HACL1: variants seen among roughly 807,000 people sequenced by gnomAD.
HACL1 encodes 1600020H07Rik.
In HACL1, 64 loss-of-function variants were observed where a neutral mutation model predicts 74.2. The observed-to-expected ratio is 0.86, with a 90% CI of 0.70 to 1.06. The LOEUF (loss-of-function observed/expected upper bound fraction) is 1.06. Ranked by LOEUF, HACL1 falls within the 50% of genes least tolerant of loss-of-function variation. The probability of loss-of-function intolerance (pLI) is 0.00; values close to 1 mark genes in which losing one functional copy is unlikely to be tolerated. For missense variants in HACL1, 728 were observed against 719.7 expected, an observed-to-expected ratio of 1.01 and a Z score of -0.13; for synonymous variants, 230 against 238.8, an observed-to-expected ratio of 0.96 and a Z score of 0.34.
chr3:15,572,656 T>C (rs2063555877), intron 11 of HACL1, among the ~76,000 whole-genome samples: 1 of 152,264 alleles, frequency 6.6e-6, no homozygotes. Flanking sequence ...AAGTGATAAA[T>C]GTGACTATAT....
Position 15,589,621 on chromosome 3 carries a change from A to C in HACL1, c.309-9T>G. ...CAATCACAAGCAAGGGCCTGAAACA[A>C]TCATTTTTTTAACAAGATAATTACA... is the stretch of plus-strand genomic sequence containing the variant. On this transcript the variant is annotated splice_polypyrimidine_tract_variant and intron_variant, in intron 4 of 16. Transcript: ENST00000321169. 1 of 1,574,950 alleles carries C rather than the reference A, an allele frequency of 6.3e-7. No individual in the cohort carries two copies. The highest frequency in any genetic ancestry group is 8.7e-7 in the Non-Finnish European group (1 of 1,146,836).
At chr3:15,592,613 C>A (rs1183630503) in intron 3 of HACL1, among the ~76,000 whole-genome samples, 1 of 86,646 alleles carries the variant, frequency 1.2e-5, no homozygotes, top group East Asian at 3.8e-4. Flanking sequence ...CACATGTGTG[C>A]GTGTATACAC....
chr3:15,567,640 C>T (rs538772132), intron 14 of HACL1, among the ~76,000 whole-genome samples: 1 of 152,268 alleles, frequency 6.6e-6, no homozygotes, highest in South Asian at 2.1e-4. Context: ...CAGGTTTTTA[C>T]CATACAGTGA....
chr3:15,562,177 G>T (rs923527334), intron 16 of HACL1, among the ~76,000 whole-genome samples: 1 of 152,090 alleles, frequency 6.6e-6, no homozygotes, highest in African/African-American at 2.4e-5. Context: ...ATTTTAAATA[G>T]AACTTAAAAA....
At position 15,600,315 on chromosome 3, in the gene HACL1, GGTGGGA is replaced by G. The variant is rs2064177126; in HGVS notation, c.186+769_186+774del. Reference sequence around the variant, plus strand: ...GCAAGAATTTAAATTAGAAGGCAACGGTGGGAGTGTAAAGCAGGAATATTTAGCCTC... The same window carrying G: ...GCAAGAATTTAAATTAGAAGGCAACGGTGTAAAGCAGGAATATTTAGCCTC... On this transcript the variant is annotated intron_variant, in intron 2 of 16. Coordinates refer to ENST00000321169, the MANE Select transcript of HACL1 (RefSeq NM_012260.4). 4.6e-5 allele frequency among the ~76,000 whole-genome samples: 7 copies of G among 152,324 alleles called. No individual in the cohort carries two copies. The South Asian group carries it at 1.5e-3, about 32-fold the overall frequency.
chr3:15,570,489 C>T (rs887165904), intron 12 of HACL1, among the ~76,000 whole-genome samples: 10 of 151,216 alleles, frequency 6.6e-5, no homozygotes, highest in African/African-American at 1.9e-4. Flanking sequence ...TTTGCTTATG[C>T]GTGATTCCAC....
chr3:15,571,526 C>T, intron 12 of HACL1, 142 bp downstream of exon 12: 3 of 654,532 alleles, frequency 4.6e-6, no homozygotes, highest in South Asian at 1.7e-5. Context: ...CCACTAAATC[C>T]CTTTTTCCAT....
At chr3:15,574,837 A>G (rs924784925) in intron 10 of HACL1, 140 bp downstream of exon 10, 1 of 480,134 alleles carries the variant, frequency 2.1e-6, no homozygotes, top group African/African-American at 1.9e-5. Flanking sequence ...ATTATGTTAG[A>G]CAATTTGTAA....
At position 15,582,862 on chromosome 3, in the gene HACL1, T is replaced by G; in HGVS notation, c.667+15A>C. The G allele has an allele frequency of 2.3e-6, 3 of 1,324,786 alleles. No homozygotes were observed. The highest frequency in any genetic ancestry group is 3.3e-6 in the Non-Finnish European group (3 of 920,042). 82.1% of individuals were successfully genotyped at this position (1,324,786 alleles called of 1,614,324 possible). A position where few individuals can be genotyped will look rare whatever the true frequency, so the allele number is the denominator to read the frequency against. On this transcript the variant is annotated intron_variant, in intron 8 of 16. Coordinates refer to ENST00000321169, the MANE Select transcript of HACL1 (RefSeq NM_012260.4). ...TTCAAAAGCCTAGCAAGATTTAGAG[T>G]TCTATTCATGCTACCTTTCCCGATG...
At chr3:15,581,100 C>A (rs947457746) in intron 8 of HACL1, among the ~76,000 whole-genome samples, 1 of 152,200 alleles carries the variant, frequency 6.6e-6, no homozygotes, top group Non-Finnish European at 1.5e-5. Flanking sequence ...CAGGGTTTCA[C>A]CATGTTGGCC....
intron 3 of HACL1, among the ~76,000 whole-genome samples, chr3:15,592,554 G>A (rs1455095221): frequency 1.4e-5 from 2 of 146,862 alleles, no homozygotes; most frequent in Non-Finnish European, 3.0e-5. Flanking sequence ...ACGCACATGT[G>A]TGCGTGTATA....
At chr3:15,567,250 A>C (rs1356120819) in intron 14 of HACL1, among the ~76,000 whole-genome samples, 1 of 108,428 alleles carries the variant, frequency 9.2e-6, no homozygotes, top group African/African-American at 3.7e-5. Flanking sequence ...TCGCTCTGTC[A>C]CCCAGGCTAG....
intron 12 of HACL1, among the ~76,000 whole-genome samples, chr3:15,570,035 T>C (rs1161425663): frequency 6.6e-6 from 1 of 150,932 alleles, no homozygotes; most frequent in Non-Finnish European, 1.5e-5. Context: ...GAAACAGTCA[T>C]TGATTAAAAT....
chr3:15,592,485 C>CACACG lies in HACL1; in HGVS notation c.228-806_228-805insCGTGT, dbSNP rs1206401571. Among the ~76,000 whole-genome samples the CACACG allele has an allele frequency of 4.6e-4, 68 of 146,692 alleles. 3 individuals are homozygous for CACACG. Among genetic ancestry groups the CACACG allele is most frequent in the East Asian group, 4.0e-3 (20 of 4,964 alleles). On this transcript the variant is annotated intron_variant, in intron 3 of 16. Coordinates refer to ENST00000321169, the MANE Select transcript of HACL1 (RefSeq NM_012260.4). ...ATACATACACACACGTATACATACA[C>CACACG]TTGTATACATATACACTTGTATATA...
chr3:15,571,603 T>C, intron 12 of HACL1, 65 bp downstream of exon 12: 1 of 811,150 alleles, frequency 1.2e-6, no homozygotes, highest in South Asian at 1.4e-5. Context: ...ACATGTCACA[T>C]TACGGCAGAA....
intron 15 of HACL1, 78 bp downstream of exon 15, chr3:15,564,473 T>C: frequency 1.4e-6 from 1 of 706,764 alleles, no homozygotes; most frequent in Non-Finnish European, 2.6e-6. Flanking sequence ...GGCACATTAC[T>C]GCCAATATAG....
chr3:15,576,361 GTTA>G (rs2063627339), intron 9 of HACL1, among the ~76,000 whole-genome samples: 2 of 151,808 alleles, frequency 1.3e-5, no homozygotes, highest in Non-Finnish European at 2.9e-5. Context: ...CTAGAAGCAG[GTTA>G]TTTTTAAGAC....
intron 15 of HACL1, 76 bp downstream of exon 15, chr3:15,564,475 C>G: frequency 1.4e-6 from 1 of 710,960 alleles, no homozygotes; most frequent in Non-Finnish European, 2.5e-6. Flanking sequence ...CACATTACTG[C>G]CAATATAGAA....
intron 9 of HACL1, among the ~76,000 whole-genome samples, chr3:15,577,830 G>A (rs2063652410): frequency 6.6e-6 from 1 of 150,784 alleles, no homozygotes; most frequent in South Asian, 2.1e-4. Context: ...TGGGCGCAGT[G>A]GCTCACACCT....
Sources: allele counts gnomAD v4.1 joint callset (sites outside exome capture counted in the v4.1 genomes callset), GRCh38; gene constraint gnomAD v4.1.1; transcripts MANE v1.5; gene names NCBI Gene and HGNC (gene_info 2026-07-23, HGNC 2026-07-21).